AOX1: variants seen among roughly 807,000 people sequenced by gnomAD.
AOX1 encodes aldehyde oxidase.
A neutral mutation model predicts 169.5 loss-of-function variants in AOX1; 153 were observed. The observed-to-expected ratio is 0.90, with a 90% confidence interval of 0.79 to 1.03. The LOEUF (loss-of-function observed/expected upper bound fraction) is 1.03, where lower values mean the gene tolerates loss of function less well. Among genes scored for constraint, AOX1 ranks in the 50% least tolerant of loss-of-function variants. AOX1 has a pLI of 0.00. For missense variants in AOX1, 1,656 were observed against 1,663.9 expected (o/e 1.00, Z 0.08); for synonymous variants, 562 against 581.9 (o/e 0.97, Z 0.49).
In AOX1 at chr2:200,624,160, T is replaced by A. The variant is rs1013485386; in HGVS notation, c.2124+177T>A. On this transcript the variant is annotated intron_variant, in intron 19 of 34. Transcript: ENST00000374700. Reference sequence around the variant, plus strand: ...ATTTCCCCAAGGACATGGCTTCTTTTTGCCACTCTTCTCTGCTGCCCACAA... The same window carrying A: ...ATTTCCCCAAGGACATGGCTTCTTTATGCCACTCTTCTCTGCTGCCCACAA... Among the ~76,000 whole-genome samples the A allele has an allele frequency of 5.9e-5, 9 of 152,338 alleles. No homozygotes were observed. In the East Asian group the frequency reaches 1.7e-3, roughly 29 times the overall value.
At chr2:200,628,791 G>T (rs573497797) in intron 20 of AOX1, among the ~76,000 whole-genome samples, 2 of 152,262 alleles carry the variant, frequency 1.3e-5, no homozygotes, top group Middle Eastern at 3.4e-3. Context: ...TCCAGGCGTG[G>T]TGGTGGGAGC....
At chr2:200,633,854 G>C (rs1026124405) in intron 20 of AOX1, among the ~76,000 whole-genome samples, 36 of 152,106 alleles carry the variant, frequency 2.4e-4, no homozygotes, top group African/African-American at 8.7e-4. Context: ...TGTTTCACTA[G>C]AGTACTTTAA....
intron 13 of AOX1, 93 bp from the exon 14 acceptor site, chr2:200,612,516 C>A: frequency 2.4e-6 from 3 of 1,266,842 alleles, no homozygotes; most frequent in African/African-American, 1.5e-5. Flanking sequence ...CACAGACTGC[C>A]CGGTGTGTAG....
chr2:200,633,509 A>T (rs2035170125), intron 20 of AOX1, among the ~76,000 whole-genome samples: 3 of 149,486 alleles, frequency 2.0e-5, no homozygotes, highest in Admixed American at 1.3e-4. Flanking sequence ...AACTTTTTAA[A>T]TTTTTGCTGT....
chr2:200,661,979 G>A (rs1288054967), intron 30 of AOX1, among the ~76,000 whole-genome samples: 1 of 152,098 alleles, frequency 6.6e-6, no homozygotes, highest in African/African-American at 2.4e-5. Flanking sequence ...AAGAAACAAA[G>A]GTAGGGGAAA....
intron 26 of AOX1, among the ~76,000 whole-genome samples, chr2:200,655,289 T>C (rs1248484448): frequency 3.3e-5 from 5 of 152,172 alleles, no homozygotes; most frequent in African/African-American, 4.8e-5. Flanking sequence ...TGCCATGGAA[T>C]GGGGCCCAGG....
At chr2:200,676,457 G>A (rs540575987), downstream of AOX1, among the ~76,000 whole-genome samples, 8 of 151,944 alleles carry the variant, frequency 5.3e-5, no homozygotes, top group East Asian at 5.8e-4. Context: ...AAAATTAGTC[G>A]GGCCTGGTGG....
At chr2:200,676,147 G>T (rs965815045), downstream of AOX1, among the ~76,000 whole-genome samples, 22 of 151,678 alleles carry the variant, frequency 1.5e-4, no homozygotes, top group African/African-American at 5.3e-4. Context: ...ATACTTTTAT[G>T]TTTTTTTAAA....
intron 20 of AOX1, among the ~76,000 whole-genome samples, chr2:200,633,934 C>T (rs1278272630): frequency 6.6e-6 from 1 of 152,034 alleles, no homozygotes; most frequent in Non-Finnish European, 1.5e-5. Flanking sequence ...GTCCAGGTTC[C>T]CCATGTGGCA....
At chr2:200,634,701 T>G in intron 20 of AOX1, 90 bp from the exon 21 acceptor site, 2 of 1,502,386 alleles carry the variant, frequency 1.3e-6, no homozygotes, top group Non-Finnish European at 1.8e-6. Flanking sequence ...GTACTATTAG[T>G]GGAATTTCTG....
At chr2:200,587,911 C>T (rs1449466270) in intron 1 of AOX1, among the ~76,000 whole-genome samples, 1 of 152,132 alleles carries the variant, frequency 6.6e-6, no homozygotes, top group Non-Finnish European at 1.5e-5. Context: ...CATGAGCATT[C>T]AATCCACTTA....
chr2:200,619,048 T>G (rs376422117), intron 16 of AOX1, among the ~76,000 whole-genome samples: 101 of 152,350 alleles, frequency 6.6e-4, no homozygotes, highest in African/African-American at 2.3e-3. Flanking sequence ...TCATATGTGC[T>G]GAATAGGCTT....
rs138139070 is a variant in AOX1 at position 200,647,693 on chromosome 2, A to G, written c.2848-3281A>G. ...CCCTGAATATGTTTTCCAAGCTTTT[A>G]GAATTATCTTCTTCCTCAGCAACAC... On this transcript the variant is annotated intron_variant, in intron 25 of 34. Coordinates refer to ENST00000374700, the MANE Select transcript of AOX1 (RefSeq NM_001159.4). 5.4e-3 allele frequency among the ~76,000 whole-genome samples: 821 copies of G among 152,324 alleles called. 3 individuals are homozygous for G. The highest frequency in any genetic ancestry group is 0.017 in the Middle Eastern group (5 of 294).
intron 3 of AOX1, among the ~76,000 whole-genome samples, chr2:200,596,192 G>C (rs1431488782): frequency 6.6e-6 from 1 of 152,222 alleles, no homozygotes; most frequent in Admixed American, 6.5e-5. Context: ...ATATCTGCCT[G>C]TGTTCCACAC....
chr2:200,651,396 C>T (rs931905876), intron 26 of AOX1, among the ~76,000 whole-genome samples, 195 bp downstream of exon 26: 1 of 152,248 alleles, frequency 6.6e-6, no homozygotes, highest in Non-Finnish European at 1.5e-5. Context: ...CCTCTGCTCA[C>T]ATGCCCATGG....
At chr2:200,608,961 A>C in intron 10 of AOX1, 23 bp from the exon 11 acceptor site, 1 of 1,608,942 alleles carries the variant, frequency 6.2e-7, no homozygotes, top group Non-Finnish European at 8.5e-7. Flanking sequence ...GCACTGTGTT[A>C]TTTACAAATG....
intron 30 of AOX1, 52 bp downstream of exon 30, chr2:200,661,683 G>A: frequency 6.9e-7 from 1 of 1,447,054 alleles, no homozygotes; most frequent in African/African-American, 1.4e-5. Flanking sequence ...GGTATCTTGA[G>A]GAAGAGTTTC....
intron 16 of AOX1, among the ~76,000 whole-genome samples, 184 bp from the exon 17 acceptor site, chr2:200,620,466 C>A (rs531281306): frequency 6.6e-6 from 1 of 152,206 alleles, no homozygotes; most frequent in Non-Finnish European, 1.5e-5. Flanking sequence ...ACCTTAGCCT[C>A]CCAAAGTGCT....
chr2:200,593,451 C>T (rs539449570), intron 2 of AOX1, among the ~76,000 whole-genome samples: 100 of 145,354 alleles, frequency 6.9e-4, no homozygotes, highest in Non-Finnish European at 4.1e-4. Flanking sequence ...ACTTAATAGA[C>T]GTTAAAAGGA....
Sources: allele counts gnomAD v4.1 joint callset (sites outside exome capture counted in the v4.1 genomes callset), GRCh38; gene constraint gnomAD v4.1.1; transcripts MANE v1.5; gene names NCBI Gene and HGNC (gene_info 2026-07-23, HGNC 2026-07-21).